The following LHFPL3 variants were observed in gnomAD, a reference collection of about 807,000 sequenced individuals.
The protein encoded by LHFPL3 is LHFPL tetraspan subfamily member 3, also known as LHFPL tetraspan subfamily member 3 protein.
A neutral mutation model predicts 19.3 loss-of-function variants in LHFPL3; 5 were observed. The ratio of observed to expected loss-of-function variants is 0.26; its 90% CI spans 0.14 to 0.54. The LOEUF (loss-of-function observed/expected upper bound fraction) is 0.54, where lower values mean the gene tolerates loss of function less well. Ranked by LOEUF, LHFPL3 falls within the 20% of genes least tolerant of loss-of-function variation. LHFPL3 has a pLI of 0.94. For synonymous variants in LHFPL3, 133 were observed against 126.2 expected, an observed-to-expected ratio of 1.05 and a Z score of -0.36; for missense variants, 249 against 307.4, an observed-to-expected ratio of 0.81 and a Z score of 1.42.
intron 1 of LHFPL3, among the ~76,000 whole-genome samples, chr7:104,444,085 A>G (rs1228385450): frequency 6.6e-6 from 1 of 152,192 alleles, no homozygotes. Flanking sequence ...GCAGTTAAAT[A>G]CTTTCCCTAA....
intron 2 of LHFPL3, among the ~76,000 whole-genome samples, chr7:104,856,886 G>C (rs1192700029): frequency 6.6e-6 from 1 of 152,086 alleles, no homozygotes; most frequent in Non-Finnish European, 1.5e-5. Context: ...TATGAGCATT[G>C]ATACCCTGCA....
chr7:104,333,558 T>C (rs1466787942), intron 1 of LHFPL3, among the ~76,000 whole-genome samples: 2 of 152,220 alleles, frequency 1.3e-5, no homozygotes, highest in Non-Finnish European at 2.9e-5. Flanking sequence ...TTGAATTGTT[T>C]AGTCTGTTAC....
intron 2 of LHFPL3, among the ~76,000 whole-genome samples, chr7:104,864,742 T>C (rs1310304019): frequency 6.6e-6 from 1 of 151,884 alleles, no homozygotes; most frequent in Admixed American, 6.6e-5. Context: ...TTGAAGAGAG[T>C]AGTGGTTCTA....
At chr7:104,471,813 T>A (rs6465990) in intron 1 of LHFPL3, among the ~76,000 whole-genome samples, 79,590 of 152,086 alleles carry the variant, frequency 0.52, 21,507 homozygotes, top group South Asian at 0.76. Context: ...CAAATGTTTA[T>A]AGTTGCTATG....
chr7:104,348,973 CT>C (rs1790124865), intron 1 of LHFPL3, among the ~76,000 whole-genome samples: 1 of 103,682 alleles, frequency 9.6e-6, no homozygotes, highest in South Asian at 3.0e-4. Context: ...CCTTCTACCA[CT>C]CTTCTCCTTT....
chr7:104,642,357 G>A (rs911664796), intron 1 of LHFPL3, among the ~76,000 whole-genome samples: 1 of 151,916 alleles, frequency 6.6e-6, no homozygotes, highest in Non-Finnish European at 1.5e-5. Flanking sequence ...GATTCTTCAG[G>A]AGCAGTATTT....
chr7:104,558,552 T>G (rs1031004645), intron 1 of LHFPL3, among the ~76,000 whole-genome samples: 176 of 151,732 alleles, frequency 1.2e-3, no homozygotes, highest in Non-Finnish European at 1.1e-3. Context: ...TAAATTTGTT[T>G]GAGTTCATTG....
chr7:104,462,558 T>G (rs1792689700), intron 1 of LHFPL3, among the ~76,000 whole-genome samples: 1 of 152,226 alleles, frequency 6.6e-6, no homozygotes, highest in Non-Finnish European at 1.5e-5. Context: ...TGCGTTATGT[T>G]GAACCAACCT....
intron 1 of LHFPL3, among the ~76,000 whole-genome samples, chr7:104,599,573 T>C (rs1386840282): frequency 6.6e-6 from 1 of 152,218 alleles, no homozygotes; most frequent in African/African-American, 2.4e-5. Context: ...ATTAGCATTT[T>C]CTGAGCACCT....
At chr7:104,807,746 C>T (rs1453690884) in intron 2 of LHFPL3, among the ~76,000 whole-genome samples, 3 of 152,336 alleles carry the variant, frequency 2.0e-5, no homozygotes, top group Admixed American at 6.5e-5. Flanking sequence ...CCCTCTGTGA[C>T]ATACAAAAGA....
intron 1 of LHFPL3, among the ~76,000 whole-genome samples, chr7:104,525,606 GT>G (rs1361749453): frequency 0.049 from 5,504 of 111,796 alleles, 268 homozygotes; most frequent in African/African-American, 0.17. Context: ...TGTTTTTTGG[GT>G]TTTTTTTTTT....
At chr7:104,467,749 T>C (rs911635522) in intron 1 of LHFPL3, among the ~76,000 whole-genome samples, 8 of 152,210 alleles carry the variant, frequency 5.3e-5, no homozygotes. Context: ...AAAACATGGA[T>C]TGATAGTAAT....
chr7:104,540,150 G>A (rs1296456769), intron 1 of LHFPL3, among the ~76,000 whole-genome samples: 4 of 152,102 alleles, frequency 2.6e-5, no homozygotes, highest in East Asian at 1.9e-4. Flanking sequence ...TGTGCTATAG[G>A]CATTGTGCAA....
intron 1 of LHFPL3, among the ~76,000 whole-genome samples, chr7:104,678,077 G>A (rs1003964666): frequency 2.6e-5 from 4 of 152,134 alleles, no homozygotes; most frequent in African/African-American, 4.8e-5. Context: ...CATTTTCCTA[G>A]GAGTTTATTT....
chr7:104,608,430 G>A (rs1258266853), intron 1 of LHFPL3, among the ~76,000 whole-genome samples: 2 of 148,188 alleles, frequency 1.3e-5, no homozygotes, highest in African/African-American at 5.0e-5. Context: ...CTCACTCATA[G>A]GTGGGAATTG....
chr7:104,351,480 A>G (rs951097107), intron 1 of LHFPL3, among the ~76,000 whole-genome samples: 11 of 152,222 alleles, frequency 7.2e-5, no homozygotes, highest in African/African-American at 2.4e-4. Context: ...TCTACTTTTC[A>G]TGGGCTCCTT....
Position 104,655,471 on chromosome 7 carries a change from G to C in LHFPL3, c.446-81204G>C, listed in dbSNP as rs553630230. 2.0e-5 allele frequency among the ~76,000 whole-genome samples: 3 copies of C among 152,326 alleles called. No individual in the cohort carries two copies. The South Asian group carries it at 6.2e-4, about 32-fold the overall frequency. On this transcript the variant is annotated intron_variant, in intron 1 of 2. Transcript: ENST00000424859. ...GGAAATGTTTGGTATGGACGTTGGA[G>C]TAACAGTCCTTGAGTGCAGAATTGA...
intron 1 of LHFPL3, among the ~76,000 whole-genome samples, chr7:104,336,707 G>A (rs1789816422): frequency 6.6e-6 from 1 of 152,168 alleles, no homozygotes; most frequent in Non-Finnish European, 1.5e-5. Flanking sequence ...GCTGCAGCAG[G>A]GTAGGGCTGC....
intron 1 of LHFPL3, among the ~76,000 whole-genome samples, chr7:104,345,666 T>C (rs1790051059): frequency 6.6e-6 from 1 of 152,222 alleles, no homozygotes; most frequent in African/African-American, 2.4e-5. Flanking sequence ...TTACATATAC[T>C]TGATATTGAA....
Sources: allele counts gnomAD v4.1 joint callset (sites outside exome capture counted in the v4.1 genomes callset), GRCh38; gene constraint gnomAD v4.1.1; transcripts MANE v1.5; gene names NCBI Gene and HGNC (gene_info 2026-07-23, HGNC 2026-07-21).